TXN2: variants seen among roughly 807,000 people sequenced by gnomAD.
The protein encoded by TXN2 is thioredoxin 2.
In TXN2, 12 loss-of-function variants were observed where a neutral mutation model predicts 14.6. The observed-to-expected ratio is 0.82, with a 90% CI of 0.53 to 1.33. The LOEUF (loss-of-function observed/expected upper bound fraction) is 1.33. Ranked by LOEUF, TXN2 falls within the 40% of genes most tolerant of loss-of-function variation. TXN2 has a pLI of 0.00. For synonymous variants in TXN2, 89 were observed against 81.0 expected, an observed-to-expected ratio of 1.10 and a Z score of -0.53; for missense variants, 173 against 207.7, an observed-to-expected ratio of 0.83 and a Z score of 1.03.
rs945943168 is a variant in TXN2 at position 36,480,616 on chromosome 22, C to G, written c.222G>C (p.Val74=). The G allele has an allele frequency of 6.2e-7, 1 of 1,614,034 alleles. No homozygotes were observed. The highest frequency in any genetic ancestry group is 1.1e-5 in the South Asian group (1 of 91,074). Residue 74 remains valine, a synonymous_variant, in exon 2 of 4, where the codon GTG becomes GTC. Coordinates refer to ENST00000216185, the MANE Select transcript of TXN2 (RefSeq NM_012473.4). ...CAACCACTGGTGTCTCACTGTTGAC[C>G]ACTCGGTCTTGAAAGTCAGGTCCAT... ...IQDGPDFQDR[V]VNSETPVVVD...
In TXN2 at chr22:36,467,876, G is replaced by A. The variant is rs763307626; in HGVS notation, c.429C>T (p.Asp143=). ...TGATGCCCACAAACTTGTCCACCAC[G>A]TCCCCATTCTTCATGGCCAGCACAG... The part of the protein sequence containing the change: ...VPTVLAMKNG[D]VVDKFVGIKD... Residue 143 remains aspartate, a synonymous_variant, in exon 4 of 4, where the codon GAC becomes GAT. Coordinates refer to ENST00000216185, the MANE Select transcript of TXN2 (RefSeq NM_012473.4). 61 of 1,614,210 alleles carry A rather than the reference G, an allele frequency of 3.8e-5. No homozygotes were observed. The highest frequency in any genetic ancestry group is 2.0e-4 in the East Asian group (9 of 44,886).
intron 2 of TXN2, among the ~76,000 whole-genome samples, chr22:36,477,391 G>A (rs576302175): frequency 6.6e-6 from 1 of 152,144 alleles, no homozygotes; most frequent in South Asian, 2.1e-4. Context: ...GTATTTTTTA[G>A]TAGAGACGGG....
chr22:36,478,727 C>T (rs1933438098), intron 2 of TXN2, among the ~76,000 whole-genome samples: 1 of 152,142 alleles, frequency 6.6e-6, no homozygotes. Context: ...CTCTGGGAGG[C>T]CAAGGCGGGA....
chr22:36,477,691 T>C (rs1165709543), intron 2 of TXN2, among the ~76,000 whole-genome samples: 2 of 152,194 alleles, frequency 1.3e-5, no homozygotes, highest in African/African-American at 4.8e-5. Context: ...CACCAGTCCC[T>C]GGCTCACTTT....
intron 3 of TXN2, among the ~76,000 whole-genome samples, chr22:36,472,456 G>GT (rs1933300244): frequency 6.6e-6 from 1 of 152,120 alleles, no homozygotes; most frequent in Non-Finnish European, 1.5e-5. Context: ...AATGATGTCC[G>GT]TGTAGGTTCA....
chr22:36,476,741 C>T lies in TXN2; in HGVS notation c.379G>A (p.Glu127Lys). The T allele has an allele frequency of 6.2e-7, 1 of 1,614,180 alleles. No individual in the cohort carries two copies. Among genetic ancestry groups the T allele is most frequent in the Non-Finnish European group, 8.5e-7 (1 of 1,180,034 alleles). The change falls in exon 3 of 4, where the codon GAG (glutamate) becomes AAG (lysine). Residue 127 changes from glutamate to lysine, a missense_variant. By Grantham distance (56) the Glu-to-Lys change is moderately conservative. Coordinates refer to ENST00000216185, the MANE Select transcript of TXN2 (RefSeq NM_012473.4). Reference sequence around the variant, plus strand: ...TCCCTGTCAATCCATACCTCATACTCAATGGCGAGGTCTGTGTGGTCATCA... The same window carrying T: ...TCCCTGTCAATCCATACCTCATACTTAATGGCGAGGTCTGTGTGGTCATCA... Reference protein sequence around the residue: ...DIDDHTDLAIEYEVSAVPTVL... With the variant: ...DIDDHTDLAIKYEVSAVPTVL...
chr22:36,474,736 G>A (rs752306503), intron 3 of TXN2, among the ~76,000 whole-genome samples: 4 of 152,098 alleles, frequency 2.6e-5, no homozygotes, highest in South Asian at 2.1e-4. Context: ...GAGCGCCCTC[G>A]GCTCTGTAAC....
At chr22:36,479,217 G>A (rs1933447755) in intron 2 of TXN2, among the ~76,000 whole-genome samples, 1 of 152,138 alleles carries the variant, frequency 6.6e-6, no homozygotes, top group Admixed American at 6.5e-5. Context: ...TGAAGAAAGG[G>A]AGCACAAAGA....
chr22:36,475,518 GTA>G (rs956566704), intron 3 of TXN2, among the ~76,000 whole-genome samples: 7 of 152,180 alleles, frequency 4.6e-5, no homozygotes, highest in Non-Finnish European at 1.0e-4. Flanking sequence ...GCTTGTTTTT[GTA>G]AATAAAGTTT....
chr22:36,468,065 C>T (rs1270986912), intron 3 of TXN2, 148 bp from the exon 4 acceptor site: 4 of 685,744 alleles, frequency 5.8e-6, no homozygotes, highest in African/African-American at 3.6e-5. Context: ...CATGGCTCTT[C>T]TCTCGGTGCA....
At chr22:36,476,506 C>T (rs1042446151) in intron 3 of TXN2, among the ~76,000 whole-genome samples, 12 of 151,862 alleles carry the variant, frequency 7.9e-5, no homozygotes, top group African/African-American at 2.4e-4. Flanking sequence ...GCAGGAGAAT[C>T]GCGTGAACCC....
At chr22:36,469,203 C>T (rs559484521) in intron 3 of TXN2, among the ~76,000 whole-genome samples, 12 of 152,356 alleles carry the variant, frequency 7.9e-5, no homozygotes, top group African/African-American at 2.6e-4. Context: ...AAGGGCACTG[C>T]CATTAGAGGG....
intron 2 of TXN2, 114 bp downstream of exon 2, chr22:36,480,461 T>C: frequency 2.2e-6 from 3 of 1,380,820 alleles, no homozygotes; most frequent in South Asian, 2.7e-5. Context: ...CTGACCAGTC[T>C]GTATATTGAG....
chr22:36,479,255 G>C (rs1933448438), intron 2 of TXN2, among the ~76,000 whole-genome samples: 1 of 152,148 alleles, frequency 6.6e-6, no homozygotes, highest in Non-Finnish European at 1.5e-5. Flanking sequence ...AAGGCCACAG[G>C]GTGAGTCAGA....
At chr22:36,472,422 T>C (rs1183664794) in intron 3 of TXN2, among the ~76,000 whole-genome samples, 1 of 152,164 alleles carries the variant, frequency 6.6e-6, no homozygotes, top group African/African-American at 2.4e-5. Flanking sequence ...TGATCCCCTA[T>C]GTAAACTTTT....
intron 3 of TXN2, among the ~76,000 whole-genome samples, 183 bp from the exon 4 acceptor site, chr22:36,468,100 A>G (rs1273360823): frequency 2.0e-5 from 3 of 152,120 alleles, no homozygotes; most frequent in Non-Finnish European, 4.4e-5. Flanking sequence ...CCCGGGGGCC[A>G]CCCGCTGAAG....
chr22:36,473,405 T>C (rs1486232406), intron 3 of TXN2, among the ~76,000 whole-genome samples: 1 of 152,072 alleles, frequency 6.6e-6, no homozygotes, highest in African/African-American at 2.4e-5. Flanking sequence ...ATCGTGCCAT[T>C]GCACTCCAGC....
rs771101281 is a variant in TXN2, at chr22:36,476,745, G to A, written c.375C>T (p.Ala125=). 5 of 1,614,114 alleles carry A rather than the reference G, an allele frequency of 3.1e-6. No homozygotes were observed. In the East Asian group the frequency reaches 8.9e-5, roughly 29 times the overall value. Residue 125 remains alanine (A), a synonymous_variant, in exon 3 of 4, where the codon GCC becomes GCT. Transcript: ENST00000216185. ...TGTCAATCCATACCTCATACTCAAT[G>A]GCGAGGTCTGTGTGGTCATCAATAT... ...KVDIDDHTDL[A]IEYEVSAVPT... is the part of the protein sequence containing the mutation.
chr22:36,475,234 C>T (rs1279258311), intron 3 of TXN2, among the ~76,000 whole-genome samples: 1 of 51,332 alleles, frequency 1.9e-5, no homozygotes, highest in Non-Finnish European at 4.4e-5. Context: ...AAAAAATTAG[C>T]CGGCGTGGTG....
Sources: allele counts gnomAD v4.1 joint callset (sites outside exome capture counted in the v4.1 genomes callset), GRCh38; gene constraint gnomAD v4.1.1; transcripts MANE v1.5; gene names NCBI Gene and HGNC (gene_info 2026-07-23, HGNC 2026-07-21).